Variants in ZNF277 observed in about 807,000 individuals in gnomAD.
ZNF277 encodes the protein zinc finger protein 277.
In ZNF277, 55 loss-of-function variants were observed where a neutral mutation model predicts 60.7. The ratio of observed to expected loss-of-function variants is 0.91; its 90% CI spans 0.73 to 1.13. The LOEUF (loss-of-function observed/expected upper bound fraction) is 1.13. ZNF277 is among the 50% of genes most tolerant of loss of function. The pLI is 0.00. For synonymous variants in ZNF277, 178 were observed against 179.3 expected (o/e 0.99, Z 0.06); for missense variants, 510 against 523.0 (o/e 0.98, Z 0.24).
intron 4 of ZNF277, among the ~76,000 whole-genome samples, chr7:112,303,569 T>C (rs1416987928): frequency 6.6e-6 from 1 of 152,030 alleles, no homozygotes; most frequent in Admixed American, 6.6e-5. Context: ...AAAAGATGGG[T>C]ATTTTGCAAT....
At chr7:112,341,512 ATTAT>A (rs1202483592) in intron 11 of ZNF277, among the ~76,000 whole-genome samples, 2 of 152,192 alleles carry the variant, frequency 1.3e-5, no homozygotes, top group Non-Finnish European at 2.9e-5. Flanking sequence ...CACTTATCTA[ATTAT>A]TTAATTAAGC....
At chr7:112,265,062 A>G (rs1206373273) in intron 1 of ZNF277, among the ~76,000 whole-genome samples, 4 of 152,170 alleles carry the variant, frequency 2.6e-5, no homozygotes, top group East Asian at 3.9e-4. Flanking sequence ...CTTTCTCCAT[A>G]TAAGTTGTTT....
In ZNF277 at chr7:112,320,917, C is replaced by CTTTTTTTTTTTTTTTTTTT. The variant is rs1230552751; in HGVS notation, c.557+2648_557+2666dup. Among the ~76,000 whole-genome samples the CTTTTTTTTTTTTTTTTTTT allele has an allele frequency of 1.5e-4, 15 of 98,380 alleles. 2 individuals carry two copies. Among genetic ancestry groups the CTTTTTTTTTTTTTTTTTTT allele is most frequent in the African/African-American group, 1.6e-4 (4 of 25,280 alleles). 64.5% of individuals were successfully genotyped at this position (98,380 alleles called of 152,430 possible). ...TGATTTTTAGTTCCCTTGTTTCTTT[C>CTTTTTTTTTTTTTTTTTTT]TTTTTTTTTTTTTTTTTTTTTTGAG... On this transcript the variant is annotated intron_variant, in intron 5 of 11. Transcript: ENST00000361822.
intron 1 of ZNF277, among the ~76,000 whole-genome samples, chr7:112,217,152 A>T (rs1478701956): frequency 6.6e-6 from 1 of 152,252 alleles, no homozygotes; most frequent in African/African-American, 2.4e-5. Flanking sequence ...TAAGAAGTAC[A>T]TATTACAAGG....
At chr7:112,277,634 T>C (rs549418105) in intron 1 of ZNF277, among the ~76,000 whole-genome samples, 1 of 152,334 alleles carries the variant, frequency 6.6e-6, no homozygotes, top group Admixed American at 6.5e-5. Flanking sequence ...TCACTATTCA[T>C]GTTTTAAATG....
chr7:112,327,465 C>T (rs1793125489), intron 5 of ZNF277, among the ~76,000 whole-genome samples: 1 of 152,146 alleles, frequency 6.6e-6, no homozygotes, highest in South Asian at 2.1e-4. Context: ...AAGGACAGAA[C>T]CTGATTCTTC....
chr7:112,238,367 A>AGAC (rs1790857592), intron 1 of ZNF277, among the ~76,000 whole-genome samples: 1 of 152,188 alleles, frequency 6.6e-6, no homozygotes, highest in Non-Finnish European at 1.5e-5. Context: ...GACCAGCCCT[A>AGAC]TAGCTAGGGG....
intron 4 of ZNF277, among the ~76,000 whole-genome samples, chr7:112,299,647 T>G (rs1792428732): frequency 6.6e-6 from 1 of 152,204 alleles, no homozygotes; most frequent in African/African-American, 2.4e-5. Context: ...CAGAATTTCA[T>G]TCTAGTTTCT....
intron 1 of ZNF277, among the ~76,000 whole-genome samples, chr7:112,250,285 A>G (rs1431367370): frequency 6.6e-6 from 1 of 152,124 alleles, no homozygotes; most frequent in Non-Finnish European, 1.5e-5. Context: ...AGACGGGTTG[A>G]TCTCAAAACC....
chr7:112,247,065 T>C (rs1256778979), intron 1 of ZNF277, among the ~76,000 whole-genome samples: 1 of 152,208 alleles, frequency 6.6e-6, no homozygotes, highest in Non-Finnish European at 1.5e-5. Context: ...CCCTATAGTT[T>C]AGCAATGTAT....
chr7:112,274,036 G>T (rs888221938), intron 1 of ZNF277, among the ~76,000 whole-genome samples: 10 of 141,958 alleles, frequency 7.0e-5, no homozygotes, highest in African/African-American at 2.8e-4. Context: ...TTAATATATA[G>T]TATGAGATAT....
intron 1 of ZNF277, among the ~76,000 whole-genome samples, chr7:112,219,652 T>C (rs996586435): frequency 6.6e-6 from 1 of 152,220 alleles, no homozygotes; most frequent in Non-Finnish European, 1.5e-5. Context: ...ACTCTATTAT[T>C]GCTCAGGCTA....
At chr7:112,314,087 A>G (rs988160559) in intron 4 of ZNF277, among the ~76,000 whole-genome samples, 2 of 152,138 alleles carry the variant, frequency 1.3e-5, no homozygotes, top group Non-Finnish European at 2.9e-5. Flanking sequence ...AAAAGGAAGT[A>G]TCACTTCTAA....
At chr7:112,276,134 T>G (rs1791788099) in intron 1 of ZNF277, among the ~76,000 whole-genome samples, 1 of 152,160 alleles carries the variant, frequency 6.6e-6, no homozygotes, top group Non-Finnish European at 1.5e-5. Context: ...CCTGAACTCA[T>G]TGAGAGTTTT....
intron 1 of ZNF277, among the ~76,000 whole-genome samples, chr7:112,213,712 A>G (rs1821812063): frequency 6.6e-6 from 1 of 152,236 alleles, no homozygotes; most frequent in Non-Finnish European, 1.5e-5. Flanking sequence ...ATGATGTCTC[A>G]TAGTAACTAA....
At chr7:112,319,195 C>T (rs1187179423) in intron 5 of ZNF277, among the ~76,000 whole-genome samples, 1 of 152,018 alleles carries the variant, frequency 6.6e-6, no homozygotes, top group Non-Finnish European at 1.5e-5. Flanking sequence ...AGCCCCCTCC[C>T]CTCTCTGGAG....
intron 4 of ZNF277, among the ~76,000 whole-genome samples, chr7:112,308,074 A>T (rs573882664): frequency 1.3e-5 from 2 of 152,002 alleles, no homozygotes; most frequent in Non-Finnish European, 2.9e-5. Flanking sequence ...GGTTATCTTC[A>T]TATCCATTTT....
chr7:112,286,978 A>G lies in ZNF277; in HGVS notation c.197A>G (p.His66Arg). The change falls in exon 2 of 12, where the codon CAT becomes CGT. Residue 66 changes from histidine to arginine, a missense_variant. His to Arg is a conservative substitution (Grantham distance 29). Transcript: ENST00000361822. ...GTGCCTTGTATTTTCTGTGAAGAAC[A>G]TTTTCCTGTGGCTGAACAAGACAAA... ...PSVPCIFCEE[H>R]FPVAEQDKLL... 2 of 1,613,264 alleles carry G rather than the reference A, an allele frequency of 1.2e-6. No homozygotes were observed. Among genetic ancestry groups the G allele is most frequent in the Non-Finnish European group, 1.7e-6 (2 of 1,179,928 alleles).
At chr7:112,319,552 T>A (rs1287234997) in intron 5 of ZNF277, among the ~76,000 whole-genome samples, 1 of 151,340 alleles carries the variant, frequency 6.6e-6, no homozygotes, top group Non-Finnish European at 1.5e-5. Flanking sequence ...CAGTCTTTAG[T>A]GAAAACATAG....
Sources: allele counts gnomAD v4.1 joint callset (sites outside exome capture counted in the v4.1 genomes callset), GRCh38; gene constraint gnomAD v4.1.1; transcripts MANE v1.5; gene names NCBI Gene and HGNC (gene_info 2026-07-23, HGNC 2026-07-21).